The following CCDC25 variants were observed in gnomAD, a reference collection of about 807,000 sequenced individuals.
The protein encoded by CCDC25 is coiled-coil domain-containing protein 25.
CCDC25 carries 16 observed loss-of-function variants against 35.3 expected under a neutral mutation model. The ratio of observed to expected loss-of-function variants is 0.45; its 90% CI spans 0.31 to 0.69. CCDC25 has a LOEUF of 0.69. Among genes scored for constraint, CCDC25 ranks in the 30% least tolerant of loss-of-function variants. The probability of loss-of-function intolerance (pLI) is 0.06; values close to 1 mark genes in which losing one functional copy is unlikely to be tolerated. For missense variants in CCDC25, 179 were observed against 250.7 expected, an observed-to-expected ratio of 0.71 and a Z score of 1.93; for synonymous variants, 79 against 80.3, an observed-to-expected ratio of 0.98 and a Z score of 0.09.
chr8:27,765,012 G>A (rs971857596), intron 2 of CCDC25, among the ~76,000 whole-genome samples, 192 bp downstream of exon 2: 1 of 152,248 alleles, frequency 6.6e-6, no homozygotes, highest in East Asian at 1.9e-4. Flanking sequence ...GATAGTTAAA[G>A]CATTTTTCTT....
chr8:27,754,047 A>G (rs1803909999), intron 4 of CCDC25, among the ~76,000 whole-genome samples: 1 of 152,236 alleles, frequency 6.6e-6, no homozygotes, highest in Non-Finnish European at 1.5e-5. Context: ...CAATACTTTC[A>G]GAGGGCAATC....
chr8:27,749,854 C>T (rs886419620), intron 5 of CCDC25, among the ~76,000 whole-genome samples: 15 of 152,110 alleles, frequency 9.9e-5, no homozygotes, highest in Non-Finnish European at 2.1e-4. Flanking sequence ...TCTACAATTT[C>T]GCTTTGGATG....
At chr8:27,740,899 A>G (rs1803414178) in intron 7 of CCDC25, among the ~76,000 whole-genome samples, 2 of 152,186 alleles carry the variant, frequency 1.3e-5, no homozygotes, top group African/African-American at 4.8e-5. Flanking sequence ...AGGAATTCAA[A>G]GGAGGAAACA....
At position 27,765,199 on chromosome 8, in the gene CCDC25, C is replaced by T; in HGVS notation, c.76+5G>A. 6.6e-7 allele frequency: 1 copy of T among 1,508,158 alleles called. No homozygotes were observed. The highest frequency in any genetic ancestry group is 9.0e-7 in the Non-Finnish European group (1 of 1,113,306). 93.4% of individuals were successfully genotyped at this position (1,508,158 alleles called of 1,614,324 possible). On this transcript the variant is annotated splice_donor_5th_base_variant and intron_variant, in intron 2 of 8. Coordinates refer to ENST00000356537, the MANE Select transcript of CCDC25 (RefSeq NM_018246.3). ...TTTCAAAATCAAATGCTTTTGAAAA[C>T]TTACTTTCATATTTATCTTTTCCCA...
At chr8:27,736,705 G>C (rs925240521) in intron 8 of CCDC25, among the ~76,000 whole-genome samples, 19 of 152,164 alleles carry the variant, frequency 1.2e-4, no homozygotes, top group Admixed American at 1.2e-3. Flanking sequence ...TCACAACATG[G>C]CTTTGATCTC....
intron 1 of CCDC25, among the ~76,000 whole-genome samples, chr8:27,771,063 A>G (rs80215304): frequency 0.019 from 2,897 of 152,292 alleles, 104 homozygotes; most frequent in African/African-American, 0.066. Flanking sequence ...CCATAACATT[A>G]TAACGAAGCT....
chr8:27,741,897 G>C (rs1350141002), intron 7 of CCDC25, among the ~76,000 whole-genome samples: 3 of 152,164 alleles, frequency 2.0e-5, no homozygotes, highest in African/African-American at 4.8e-5. Flanking sequence ...AGGTCTTAGA[G>C]ATAAGAAGAT....
At chr8:27,768,576 A>AG (rs1209291114) in intron 1 of CCDC25, among the ~76,000 whole-genome samples, 2 of 151,846 alleles carry the variant, frequency 1.3e-5, no homozygotes, top group African/African-American at 2.4e-5. Flanking sequence ...AAAAAAAAAA[A>AG]AAAAGAAAAG....
rs1803168309 is a variant in CCDC25 at position 27,734,975 on chromosome 8, T to A, written c.*1241A>T. On this transcript the variant is annotated 3_prime_UTR_variant, in exon 9 of 9. Transcript: ENST00000356537. ...ATGAATGAGGTTTTTTAGAGCAAGA[T>A]CACCCTCAAAACCAGCTTGTGGAAT... 1 of 152,162 alleles carries A rather than the reference T, an allele frequency of 6.6e-6. No homozygotes were observed. The highest frequency in any genetic ancestry group is 2.4e-5 in the African/African-American group (1 of 41,418). 9.4% of individuals were successfully genotyped at this position (152,162 alleles called of 1,614,324 possible).
intron 7 of CCDC25, among the ~76,000 whole-genome samples, chr8:27,744,853 T>C (rs548725747): frequency 2.6e-5 from 4 of 152,336 alleles, no homozygotes; most frequent in African/African-American, 9.6e-5. Flanking sequence ...TCCTCCATGC[T>C]GAAGTAATCT....
intron 1 of CCDC25, among the ~76,000 whole-genome samples, chr8:27,769,378 CACTT>C (rs1341705289): frequency 6.6e-6 from 1 of 152,110 alleles, no homozygotes; most frequent in Non-Finnish European, 1.5e-5. Context: ...GTGTGACTAA[CACTT>C]AAAGAATTCA....
chr8:27,742,584 G>T (rs1366457186), intron 7 of CCDC25, among the ~76,000 whole-genome samples: 8 of 152,160 alleles, frequency 5.3e-5, no homozygotes, highest in Non-Finnish European at 1.2e-4. Context: ...CCTTTCTTGG[G>T]CTGGGCACGG....
rs190715451 is a variant in CCDC25 at position 27,746,698 on chromosome 8, C to A, written c.551+1379G>T. On this transcript the variant is annotated intron_variant, in intron 7 of 8. Transcript: ENST00000356537. ...AGCAGACTCAGAATTCTAGGCCATA[C>A]CAAATACTTAAACATATATGTTAGT... Among the ~76,000 whole-genome samples, 918 of 152,254 alleles carry A rather than the reference C, an allele frequency of 6.0e-3. 32 individuals are homozygous for A. The highest frequency in any genetic ancestry group is 0.053 in the Admixed American group (806 of 15,290).
intron 1 of CCDC25, among the ~76,000 whole-genome samples, chr8:27,765,759 T>G (rs976148576): frequency 6.6e-6 from 1 of 152,146 alleles, no homozygotes; most frequent in Admixed American, 6.5e-5. Context: ...TCTAACAGGC[T>G]CTCTATCACA....
chr8:27,742,592 C>T (rs1426589968), intron 7 of CCDC25, among the ~76,000 whole-genome samples: 1 of 152,072 alleles, frequency 6.6e-6, no homozygotes, highest in Non-Finnish European at 1.5e-5. Context: ...GGGCTGGGCA[C>T]GGTAGCTCAC....
At chr8:27,748,328 T>G (rs779979329) in intron 6 of CCDC25, 49 bp from the exon 7 acceptor site, 5 of 1,553,430 alleles carry the variant, frequency 3.2e-6, no homozygotes, top group Non-Finnish European at 4.4e-6. Context: ...GTTTTTTTTC[T>G]CCCAGAAGAG....
Position 27,770,778 on chromosome 8 carries a change from C to A in CCDC25, c.28+1735G>T, listed in dbSNP as rs568375788. On this transcript the variant is annotated intron_variant, in intron 1 of 8. Transcript: ENST00000356537. ...AACAAAAACAAAAACAAAAAACTCA[C>A]CTTTAACAAGCATATAGAGTAGCAA... Among the ~76,000 whole-genome samples the A allele has an allele frequency of 2.0e-4, 30 of 151,832 alleles. No homozygotes were observed. In the South Asian group the frequency reaches 6.2e-3, roughly 32 times the overall value.
chr8:27,772,515 C>A lies in CCDC25; in HGVS notation c.26G>T (p.Ser9Ile). 1 of 1,549,986 alleles carries A rather than the reference C, an allele frequency of 6.5e-7. No individual in the cohort carries two copies. Among genetic ancestry groups the A allele is most frequent in the Non-Finnish European group, 8.7e-7 (1 of 1,146,670 alleles). ...AGGAGGACGTGGCGCCCACTCACCG[C>A]TGCTGCTGGTGAAGTAGAACACCAT... MVFYFTSS[S>I]VNSSAYTIYM... is the part of the protein sequence containing the mutation. Residue 9 changes from serine (S) to isoleucine (I), a missense_variant and splice_region_variant, in exon 1 of 9, where the codon AGC (serine) becomes ATC (isoleucine). Physicochemically the swap from Ser to Ile is moderately radical, Grantham distance 142 (BLOSUM62 -2). Coordinates refer to ENST00000356537, the MANE Select transcript of CCDC25 (RefSeq NM_018246.3).
intron 1 of CCDC25, among the ~76,000 whole-genome samples, chr8:27,769,265 T>C (rs1006928047): frequency 1.3e-5 from 2 of 152,236 alleles, no homozygotes; most frequent in Admixed American, 6.5e-5. Flanking sequence ...CAAATATTTT[T>C]CTAACAGGAA....
Sources: gnomAD v4.1 joint callset for allele counts (sites outside exome capture counted in the v4.1 genomes callset) on GRCh38, gnomAD v4.1.1 for gene constraint, MANE v1.5 for transcripts, NCBI Gene and HGNC (gene_info 2026-07-23, HGNC 2026-07-21) for gene names.